The following HELLS variants were observed in gnomAD, a reference collection of about 807,000 sequenced individuals.
HELLS encodes lymphoid-specific helicase.
Under a neutral mutation model 120.0 loss-of-function variants are expected in HELLS, and 32 were observed. The observed-to-expected ratio is 0.27, with a 90% CI of 0.20 to 0.36. The LOEUF is 0.36. Among genes scored for constraint, HELLS ranks in the 10% least tolerant of loss-of-function variants. The pLI is 1.00. For missense variants in HELLS, 650 were observed against 993.4 expected (o/e 0.65, Z 4.65); for synonymous variants, 341 against 323.4 (o/e 1.05, Z -0.58).
At chr10:94,580,145 AT>A (rs1844770629) in intron 10 of HELLS, among the ~76,000 whole-genome samples, 12 of 73,334 alleles carry the variant, frequency 1.6e-4, no homozygotes, top group African/African-American at 4.4e-4. Context: ...ATATATATAT[AT>A]ATATATATAT....
intron 7 of HELLS, 134 bp downstream of exon 7, chr10:94,571,563 T>A: frequency 1.6e-6 from 1 of 640,288 alleles, no homozygotes; most frequent in Non-Finnish European, 2.4e-6. Flanking sequence ...AAAATACCTA[T>A]GTATTCACTT....
At chr10:94,594,189 A>AT (rs75456096) in intron 18 of HELLS, among the ~76,000 whole-genome samples, 2 of 151,036 alleles carry the variant, frequency 1.3e-5, no homozygotes, top group East Asian at 3.9e-4. Flanking sequence ...AAAATTGAAA[A>AT]TTTTTTTTTA....
In HELLS at chr10:94,593,409, T is replaced by G. The variant is rs915108496; in HGVS notation, c.1972-90T>G. On this transcript the variant is annotated intron_variant, in intron 17 of 21. Transcript: ENST00000348459. ...TGTTTGGCCTCCTTTGTTTAAGTCT[T>G]TAATAGTTGTAATTGAAAACATTTT... is the stretch of plus-strand genomic sequence containing the variant. 9.1e-6 allele frequency: 7 copies of G among 773,420 alleles called. No homozygotes were observed. In the African/African-American group the frequency reaches 1.0e-4, roughly 11 times the overall value. 47.9% of individuals were successfully genotyped at this position (773,420 alleles called of 1,614,324 possible). A position where few individuals can be genotyped will look rare whatever the true frequency, so the allele number is the denominator to read the frequency against.
At chr10:94,604,520 A>G (rs1331256304), downstream of HELLS, among the ~76,000 whole-genome samples, 1 of 100,152 alleles carries the variant, frequency 1.0e-5, no homozygotes, top group Non-Finnish European at 1.9e-5. Flanking sequence ...TTTTATTTTG[A>G]TGTTTCTTCA....
chr10:94,591,136 T>C (rs1436997865), intron 15 of HELLS, among the ~76,000 whole-genome samples: 1 of 152,240 alleles, frequency 6.6e-6, no homozygotes, highest in East Asian at 1.9e-4. Flanking sequence ...GCTTGGCCTC[T>C]ATGCAACTTA....
intron 3 of HELLS, chr10:94,557,304 T>G (rs1311790555): frequency 4.4e-6 from 1 of 228,608 alleles, no homozygotes; most frequent in Non-Finnish European, 9.2e-6. Flanking sequence ...CCTTTTTCCT[T>G]TGTTTGAAAC....
chr10:94,585,167 A>G (rs1184311760), intron 12 of HELLS, among the ~76,000 whole-genome samples: 1 of 151,774 alleles, frequency 6.6e-6, no homozygotes, highest in Non-Finnish European at 1.5e-5. Context: ...TCCACCCCAT[A>G]TTGAAGGCCA....
chr10:94,594,951 C>A, intron 19 of HELLS, 97 bp downstream of exon 19: 1 of 928,176 alleles, frequency 1.1e-6, no homozygotes, highest in Non-Finnish European at 1.6e-6. Flanking sequence ...CAGCCTGGGC[C>A]GAGTTCTGTG....
intron 3 of HELLS, among the ~76,000 whole-genome samples, chr10:94,556,554 G>A (rs911408615): frequency 2.0e-5 from 3 of 152,154 alleles, no homozygotes; most frequent in Admixed American, 2.0e-4. Context: ...CATGATAGTG[G>A]ACATACCCAC....
At chr10:94,604,710 T>C (rs1353490804), downstream of HELLS, among the ~76,000 whole-genome samples, 1 of 152,212 alleles carries the variant, frequency 6.6e-6, no homozygotes, top group African/African-American at 2.4e-5. Flanking sequence ...TAATTACTTT[T>C]ATTATGGCTG....
At chr10:94,566,615 C>G (rs1843810145) in intron 6 of HELLS, among the ~76,000 whole-genome samples, 1 of 151,548 alleles carries the variant, frequency 6.6e-6, no homozygotes, top group South Asian at 2.1e-4. Flanking sequence ...ATTCAGAGAT[C>G]TGTGGGCATA....
intron 4 of HELLS, among the ~76,000 whole-genome samples, chr10:94,560,481 G>A (rs1843495265): frequency 6.6e-6 from 1 of 151,920 alleles, no homozygotes; most frequent in Admixed American, 6.6e-5. Flanking sequence ...GATTCCTTGA[G>A]GCAAGGAGTT....
At chr10:94,580,117 G>GTATATATATATA (rs58984411) in intron 10 of HELLS, among the ~76,000 whole-genome samples, 4 of 65,500 alleles carry the variant, frequency 6.1e-5, no homozygotes, top group Non-Finnish European at 1.1e-4. Context: ...CATTATAAAA[G>GTATATATATATA]TATATATATA....
Position 94,545,916 on chromosome 10 carries a change from C to T in HELLS, c.-6C>T, listed in dbSNP as rs988649628. On this transcript the variant is annotated 5_prime_UTR_variant, in exon 1 of 22. Coordinates refer to ENST00000348459, the MANE Select transcript of HELLS (RefSeq NM_018063.5). ...GGGGACCCGGTTCCCGGGTGAGTGT[C>T]CAGGCATGCCAGCGGAACGGCCCGC... 1.3e-6 allele frequency: 2 copies of T among 1,554,710 alleles called. No homozygotes were observed. The highest frequency in any genetic ancestry group is 2.4e-5 in the East Asian group (1 of 41,354).
intron 3 of HELLS, among the ~76,000 whole-genome samples, chr10:94,556,558 T>TA (rs1320494776): frequency 6.6e-6 from 1 of 152,212 alleles, no homozygotes; most frequent in Non-Finnish European, 1.5e-5. Flanking sequence ...ATAGTGGACA[T>TA]ACCCACTGAT....
chr10:94,605,060 G>A (rs1846112999), downstream of HELLS, among the ~76,000 whole-genome samples: 1 of 119,240 alleles, frequency 8.4e-6, no homozygotes, highest in African/African-American at 3.5e-5. Context: ...ACTGTTTACT[G>A]TGTCTTGTGT....
chr10:94,585,987 G>A (rs912622761), intron 12 of HELLS, among the ~76,000 whole-genome samples: 3 of 152,104 alleles, frequency 2.0e-5, no homozygotes, highest in Admixed American at 6.6e-5. Flanking sequence ...GCGGTATAGT[G>A]TGCCTCTTCT....
intron 4 of HELLS, among the ~76,000 whole-genome samples, 164 bp downstream of exon 4, chr10:94,558,359 A>G (rs998078315): frequency 6.6e-6 from 1 of 152,170 alleles, no homozygotes; most frequent in African/African-American, 2.4e-5. Flanking sequence ...GTTCCTCACT[A>G]TTTAAGAAAT....
At chr10:94,546,092 A>G in intron 1 of HELLS, 140 bp downstream of exon 1, 4 of 1,015,678 alleles carry the variant, frequency 3.9e-6, no homozygotes, top group Non-Finnish European at 3.0e-6. Flanking sequence ...GGAAACTGCA[A>G]CGGTGAGTGG....
Sources: allele counts gnomAD v4.1 joint callset (sites outside exome capture counted in the v4.1 genomes callset), GRCh38; gene constraint gnomAD v4.1.1; transcripts MANE v1.5; gene names NCBI Gene and HGNC (gene_info 2026-07-23, HGNC 2026-07-21).